KY: variants seen among roughly 807,000 people sequenced by gnomAD.
The protein encoded by KY is kyphoscoliosis peptidase.
Under a neutral mutation model 76.1 loss-of-function variants are expected in KY, and 43 were observed. The ratio of observed to expected loss-of-function variants is 0.57; its 90% CI spans 0.44 to 0.73. KY has a LOEUF of 0.73. KY is among the 30% of genes least tolerant of loss of function. KY has a pLI of 0.00. For missense variants in KY, 722 were observed against 828.9 expected (o/e 0.87, Z 1.58); for synonymous variants, 277 against 326.2 (o/e 0.85, Z 1.63).
intron 5 of KY, among the ~76,000 whole-genome samples, chr3:134,625,439 C>T (rs760169001): frequency 2.6e-5 from 4 of 152,200 alleles, no homozygotes; most frequent in Non-Finnish European, 4.4e-5. Flanking sequence ...CCAGTAGTTC[C>T]CAGACATATT....
At chr3:134,640,950 G>C (rs543103332) in intron 3 of KY, among the ~76,000 whole-genome samples, 1 of 152,252 alleles carries the variant, frequency 6.6e-6, no homozygotes, top group East Asian at 1.9e-4. Flanking sequence ...ACTCAGATTA[G>C]AAGCCTCCCA....
intron 3 of KY, among the ~76,000 whole-genome samples, chr3:134,639,554 G>A (rs998422326): frequency 6.6e-6 from 1 of 152,130 alleles, no homozygotes; most frequent in Non-Finnish European, 1.5e-5. Context: ...TGACCCTAGT[G>A]CACACATCAA....
At position 134,643,316 on chromosome 3, in the gene KY, C is replaced by A. The variant is rs752593661; in HGVS notation, c.262G>T (p.Gly88Trp). 1 of 1,613,848 alleles carries A rather than the reference C, an allele frequency of 6.2e-7. No homozygotes were observed. The highest frequency in any genetic ancestry group is 1.1e-5 in the South Asian group (1 of 91,058). Residue 88 changes from glycine to tryptophan, a missense_variant and splice_region_variant, in exon 3 of 11, where the codon GGG becomes TGG. Around this residue, in one of 2 missense-constraint regions of KY, gnomAD observed 170 missense variants for 148.1 expected, o/e 1.15. Coordinates refer to ENST00000423778, the MANE Select transcript of KY (RefSeq NM_178554.6). ...PQVITSYNSQ[G>W]TQLTVEVHPR... ...TCACGGCTAGCGGCGAATCACTTAC[C>A]TTGGCTGTTGTAGGAAGTGATGACC...
intron 8 of KY, among the ~76,000 whole-genome samples, chr3:134,613,446 C>T (rs1960906523): frequency 6.6e-6 from 1 of 152,114 alleles, no homozygotes; most frequent in South Asian, 2.1e-4. Flanking sequence ...GCAGGGATGT[C>T]CACCTGTACT....
Position 134,620,753 on chromosome 3 carries a change from G to A in KY, c.588C>T (p.His196=). Residue 196 remains histidine, a synonymous_variant, in exon 7 of 11, where the codon CAC becomes CAT. Transcript: ENST00000423778. ...VRAIWIWICH[H]IEYDIAAAQE... ...AAATTCCACAGGGGGGCCTACCTAT[G>A]TGATGGCAGATCCAGATCCAGATGG... 6.2e-7 allele frequency: 1 copy of A among 1,612,402 alleles called. No individual in the cohort carries two copies. The highest frequency in any genetic ancestry group is 1.1e-5 in the South Asian group (1 of 90,888).
At chr3:134,644,483 G>A (rs370514608) in intron 2 of KY, among the ~76,000 whole-genome samples, 2 of 152,154 alleles carry the variant, frequency 1.3e-5, no homozygotes, top group Non-Finnish European at 2.9e-5. Context: ...TCAGAGGGGT[G>A]GGGGGAAGGC....
chr3:134,610,190 C>T lies in KY; in HGVS notation c.899+5G>A. 1 of 1,610,960 alleles carries T rather than the reference C, an allele frequency of 6.2e-7. No individual in the cohort carries two copies. The highest frequency in any genetic ancestry group is 8.5e-7 in the Non-Finnish European group (1 of 1,178,296). On this transcript the variant is annotated splice_donor_5th_base_variant and intron_variant, in intron 9 of 10. Transcript: ENST00000423778. ...ACGCCCAGCAGAACTGAGACAAGTACTTACAGGAAGGTGAATTTGGAGGTG... is the reference window on the plus strand; with the variant it reads ...ACGCCCAGCAGAACTGAGACAAGTATTTACAGGAAGGTGAATTTGGAGGTG...
intron 4 of KY, chr3:134,628,096 T>C (rs1033195061): frequency 2.2e-6 from 1 of 460,704 alleles, no homozygotes; most frequent in Non-Finnish European, 4.0e-6. Context: ...CCTAACACTT[T>C]GGGTGATTCA....
intron 10 of KY, 86 bp downstream of exon 10, chr3:134,608,563 A>G (rs1389422248): frequency 6.2e-7 from 1 of 1,611,196 alleles, no homozygotes; most frequent in Non-Finnish European, 8.5e-7. Context: ...CATGCCTTGA[A>G]AGCGCAGTCT....
chr3:134,602,252 C>T lies in KY; in HGVS notation c.*1327G>A, dbSNP rs562559887. Among the ~76,000 whole-genome samples, 23 of 152,280 alleles carry T rather than the reference C, an allele frequency of 1.5e-4. 2 individuals carry two copies. The South Asian group carries it at 4.6e-3, about 30-fold the overall frequency. ...CATGTGGGGCCTCTCTCGCCTTTCC[C>T]TCTTATCTGCCCTCGCTGAAGTCAG... On this transcript the variant is annotated 3_prime_UTR_variant, in exon 11 of 11. Transcript: ENST00000423778.
At chr3:134,639,389 C>T (rs895618160) in intron 3 of KY, among the ~76,000 whole-genome samples, 1 of 152,202 alleles carries the variant, frequency 6.6e-6, no homozygotes, top group Admixed American at 6.5e-5. Flanking sequence ...GAGCTCAGGG[C>T]TGTGACTGGG....
In KY at chr3:134,649,059, A is replaced by G. The variant is rs1966773435; in HGVS notation, c.137-1562T>C. Among the ~76,000 whole-genome samples the G allele has an allele frequency of 2.0e-5, 3 of 152,116 alleles. No homozygotes were observed. In the South Asian group the frequency reaches 6.2e-4, roughly 31 times the overall value. On this transcript the variant is annotated intron_variant, in intron 1 of 10. Transcript: ENST00000423778. ...CTTTGCCTGGGGTCTCCTGAATATC[A>G]TCTCTGCCCACCAGGCATCAAAAGC...
Position 134,602,210 on chromosome 3 carries a change from G to T in KY, c.*1369C>A, listed in dbSNP as rs189356779. On this transcript the variant is annotated 3_prime_UTR_variant, in exon 11 of 11. Coordinates refer to ENST00000423778, the MANE Select transcript of KY (RefSeq NM_178554.6). ...AGCAGGGAGCATGTCTGTGTGCCAGGATGGTTCTGCAGTGGCCATGTGGGG... is the reference window on the plus strand; with the variant it reads ...AGCAGGGAGCATGTCTGTGTGCCAGTATGGTTCTGCAGTGGCCATGTGGGG... Among the ~76,000 whole-genome samples, 1 of 152,272 alleles carries T rather than the reference G, an allele frequency of 6.6e-6. No homozygotes were observed. Among genetic ancestry groups the T allele is most frequent in the Non-Finnish European group, 1.5e-5 (1 of 68,002 alleles).
At chr3:134,647,175 G>A (rs1484333002) in intron 2 of KY, among the ~76,000 whole-genome samples, 1 of 152,188 alleles carries the variant, frequency 6.6e-6, no homozygotes, top group East Asian at 1.9e-4. Context: ...CTCCCCTACG[G>A]CTCAGCCAGC....
chr3:134,650,894 G>A lies in KY; in HGVS notation c.67C>T (p.Arg23Trp). Residue 23 changes from arginine (R) to tryptophan (W), a missense_variant, in exon 1 of 11, where the codon CGG becomes TGG. Transcript: ENST00000423778. ...GAGAGCGTACCCTGTGCGGCGCGCCGCTTCTCCGAGTGCACGATCAGCAGC... is the reference window on the plus strand; with the variant it reads ...GAGAGCGTACCCTGTGCGGCGCGCCACTTCTCCGAGTGCACGATCAGCAGC... Reference protein sequence around the residue: ...DMLLIVHSEKRRAAQGTLSDQ... With the variant: ...DMLLIVHSEKWRAAQGTLSDQ... 1.9e-6 allele frequency: 3 copies of A among 1,613,074 alleles called. No individual in the cohort carries two copies. Among genetic ancestry groups the A allele is most frequent in the South Asian group, 2.2e-5 (2 of 91,058 alleles).
chr3:134,619,753 C>T (rs896341301), intron 7 of KY, among the ~76,000 whole-genome samples: 2 of 152,224 alleles, frequency 1.3e-5, no homozygotes, highest in Non-Finnish European at 2.9e-5. Flanking sequence ...TGGTGAGGCC[C>T]TAAGGCAGAA....
rs1399767027 is a variant in KY at position 134,650,970 on chromosome 3, TC to T, written c.-11del. ...CCTTCTTCAGCTCCATGATGCCGCC[TC>T]CTTTCCGACCTGGGCGCCGCGGCCG... On this transcript the variant is annotated 5_prime_UTR_variant, in exon 1 of 11. Coordinates refer to ENST00000423778, the MANE Select transcript of KY (RefSeq NM_178554.6). 2 of 1,612,796 alleles carry T rather than the reference TC, an allele frequency of 1.2e-6. No individual in the cohort carries two copies. Among genetic ancestry groups the T allele is most frequent in the African/African-American group, 2.7e-5 (2 of 74,882 alleles).
In KY at chr3:134,608,377, A is replaced by G. The variant is rs770707111; in HGVS notation, c.1090+272T>C. ...AGCCTTCAAGTTCTAGGAAACCTGC[A>G]GCCTTCAGACACATCCCTTTCTGGG... On this transcript the variant is annotated intron_variant, in intron 10 of 10. Coordinates refer to ENST00000423778, the MANE Select transcript of KY (RefSeq NM_178554.6). 2.2e-5 allele frequency: 30 copies of G among 1,393,028 alleles called. No individual in the cohort carries two copies. The African/African-American group carries it at 3.7e-4, about 17-fold the overall frequency. 86.3% of individuals were successfully genotyped at this position (1,393,028 alleles called of 1,614,324 possible).
chr3:134,638,952 G>C (rs1212888789), intron 3 of KY, among the ~76,000 whole-genome samples: 2 of 151,910 alleles, frequency 1.3e-5, no homozygotes, highest in Non-Finnish European at 2.9e-5. Flanking sequence ...GTGTATATGT[G>C]TGTGGAGGGG....
Sources: allele counts gnomAD v4.1 joint callset (sites outside exome capture counted in the v4.1 genomes callset), GRCh38; gene constraint gnomAD v4.1.1; regional missense constraint gnomAD v4.1.1; transcripts MANE v1.5; gene names NCBI Gene and HGNC (gene_info 2026-07-23, HGNC 2026-07-21).